DSCAML1: variants seen among roughly 807,000 people sequenced by gnomAD.
The protein encoded by DSCAML1 is cell adhesion molecule DSCAML1.
DSCAML1 carries 38 observed loss-of-function variants against 200.5 expected under a neutral mutation model. The observed-to-expected ratio is 0.19, with a 90% CI of 0.15 to 0.25. The LOEUF (loss-of-function observed/expected upper bound fraction) is 0.25. Among genes scored for constraint, DSCAML1 ranks in the 10% least tolerant of loss-of-function variants. DSCAML1 has a pLI of 1.00. For synonymous variants in DSCAML1, 1,215 were observed against 1,165.0 expected (o/e 1.04, Z -0.87); for missense variants, 2,223 against 2,858.8 (o/e 0.78, Z 5.07).
intron 3 of DSCAML1, among the ~76,000 whole-genome samples, chr11:117,592,366 C>T (rs566333425): frequency 2.6e-4 from 39 of 152,238 alleles, no homozygotes; most frequent in Non-Finnish European, 5.1e-4. Flanking sequence ...CTTCACTCAG[C>T]GTCTTAAGCA....
chr11:117,669,239 A>G (rs545123839), intron 3 of DSCAML1, among the ~76,000 whole-genome samples: 1 of 152,292 alleles, frequency 6.6e-6, no homozygotes, highest in East Asian at 1.9e-4. Context: ...CAAGTCCTCC[A>G]TTGAAGGGCA....
At chr11:117,778,571 A>G (rs1381525545) in intron 2 of DSCAML1, among the ~76,000 whole-genome samples, 1 of 152,232 alleles carries the variant, frequency 6.6e-6, no homozygotes, top group Non-Finnish European at 1.5e-5. Flanking sequence ...CAAGGAAAGC[A>G]CTTTGGCAAT....
intron 3 of DSCAML1, among the ~76,000 whole-genome samples, chr11:117,666,927 T>C (rs962339996): frequency 6.6e-6 from 1 of 152,160 alleles, no homozygotes; most frequent in African/African-American, 2.4e-5. Flanking sequence ...TCCGAATCCA[T>C]GTATTCACCA....
At chr11:117,680,404 C>T (rs2053291705) in intron 3 of DSCAML1, among the ~76,000 whole-genome samples, 1 of 152,218 alleles carries the variant, frequency 6.6e-6, no homozygotes, top group African/African-American at 2.4e-5. Flanking sequence ...ACAAGGTCCC[C>T]TCAGATCCTG....
At chr11:117,732,805 AT>A (rs1409282992) in intron 3 of DSCAML1, among the ~76,000 whole-genome samples, 1 of 151,738 alleles carries the variant, frequency 6.6e-6, no homozygotes. Context: ...TATTATCATT[AT>A]TATTATTATT....
At chr11:117,743,598 C>T (rs1002805975) in intron 3 of DSCAML1, among the ~76,000 whole-genome samples, 6 of 152,168 alleles carry the variant, frequency 3.9e-5, no homozygotes, top group African/African-American at 1.4e-4. Context: ...CTCTGGGCTC[C>T]AGGCCCAGTT....
intron 3 of DSCAML1, among the ~76,000 whole-genome samples, chr11:117,573,814 A>T (rs1644347874): frequency 6.6e-6 from 1 of 152,204 alleles, no homozygotes; most frequent in African/African-American, 2.4e-5. Flanking sequence ...CTGGTGAAGG[A>T]GAACCTTGCT....
chr11:117,554,211 G>A (rs2050517972), intron 3 of DSCAML1, among the ~76,000 whole-genome samples: 1 of 152,096 alleles, frequency 6.6e-6, no homozygotes, highest in African/African-American at 2.4e-5. Context: ...ACAAAGTTTT[G>A]GAAATAGTGG....
At chr11:117,632,825 A>G (rs1393147113) in intron 3 of DSCAML1, among the ~76,000 whole-genome samples, 1 of 152,240 alleles carries the variant, frequency 6.6e-6, no homozygotes, top group Non-Finnish European at 1.5e-5. Flanking sequence ...TGTGCCAGGC[A>G]TCATGAAAAG....
chr11:117,465,383 T>C (rs1413702275), intron 16 of DSCAML1, among the ~76,000 whole-genome samples: 1 of 152,182 alleles, frequency 6.6e-6, no homozygotes, highest in Non-Finnish European at 1.5e-5. Flanking sequence ...GATCCTCTCC[T>C]GTGCCCCTCG....
rs76836144 is a variant in DSCAML1 at position 117,603,118 on chromosome 11, C to CA, written c.512-70597dup. Among the ~76,000 whole-genome samples, 398 of 151,752 alleles carry CA rather than the reference C, an allele frequency of 2.6e-3. 1 individual carries two copies. Among genetic ancestry groups the CA allele is most frequent in the African/African-American group, 7.6e-3 (314 of 41,372 alleles). Reference sequence around the variant, plus strand: ...CCAACAAAACAAACAACAACAACAACAAAAAAACCCAAACCAATCAGAGAC... The same window carrying CA: ...CCAACAAAACAAACAACAACAACAACAAAAAAAACCCAAACCAATCAGAGAC... On this transcript the variant is annotated intron_variant, in intron 3 of 32. Transcript: ENST00000651296.
Position 117,428,550 on chromosome 11 carries a change from T to C in DSCAML1, c.5940A>G (p.Pro1980=), listed in dbSNP as rs572391937. Reference sequence around the variant, plus strand: ...CGGGGGCTGGGGGGGCTGTGCCGGCTGGGGGGGCTGGCATGGCCAGAGTCC... The same window carrying C: ...CGGGGGCTGGGGGGGCTGTGCCGGCCGGGGGGGCTGGCATGGCCAGAGTCC... The part of the protein sequence containing the change: ...PQRTLAMPAP[P]AGTAPPAPGP... The change falls in exon 33 of 33, where the codon CCA becomes CCG. Residue 1980 remains proline, a synonymous_variant. Coordinates refer to ENST00000651296, the MANE Select transcript of DSCAML1 (RefSeq NM_020693.4). 1.4e-4 allele frequency: 197 copies of C among 1,409,500 alleles called. 1 individual carries two copies. The African/African-American group carries it at 1.8e-3, about 13-fold the overall frequency. The allele number at this position is 1,409,500 out of a possible 1,614,324, so 87.3% of individuals were successfully genotyped here.
intron 3 of DSCAML1, among the ~76,000 whole-genome samples, chr11:117,688,415 A>T (rs1417399908): frequency 6.6e-6 from 1 of 152,222 alleles, no homozygotes; most frequent in Non-Finnish European, 1.5e-5. Context: ...CAGCAGGACA[A>T]GAGTTGGGAA....
chr11:117,524,524 G>T (rs1210213700), intron 5 of DSCAML1, among the ~76,000 whole-genome samples: 1 of 152,224 alleles, frequency 6.6e-6, no homozygotes, highest in Non-Finnish European at 1.5e-5. Context: ...GGAAGGCTGG[G>T]ACCACTTTCC....
chr11:117,807,394 G>A (rs897298443), intron 1 of DSCAML1, among the ~76,000 whole-genome samples: 1 of 152,170 alleles, frequency 6.6e-6, no homozygotes, highest in African/African-American at 2.4e-5. Context: ...GAATGATTTG[G>A]GGGGTGGGAG....
intron 3 of DSCAML1, among the ~76,000 whole-genome samples, chr11:117,700,758 G>C (rs951107370): frequency 3.0e-4 from 46 of 152,218 alleles, no homozygotes; most frequent in Non-Finnish European, 1.0e-4. Flanking sequence ...ACCAGTGCCA[G>C]GGGTAGAAGC....
chr11:117,804,456 G>C lies in DSCAML1; in HGVS notation c.-250+12934C>G, dbSNP rs2055692386. ...CTTTATCAAGCCCAAATCTGCCTTAGCTTTCTGGAGTTCAAAAGATGTGCC... is the reference window on the plus strand; with the variant it reads ...CTTTATCAAGCCCAAATCTGCCTTACCTTTCTGGAGTTCAAAAGATGTGCC... On this transcript the variant is annotated intron_variant, in intron 1 of 2. Transcript: ENST00000525836. 2.0e-5 allele frequency among the ~76,000 whole-genome samples: 3 copies of C among 152,188 alleles called. No individual in the cohort carries two copies. The South Asian group carries it at 6.2e-4, about 32-fold the overall frequency.
At chr11:117,471,830 CTGAGG>C (rs2048693086) in intron 15 of DSCAML1, 34 bp downstream of exon 15, 1 of 1,584,514 alleles carries the variant, frequency 6.3e-7, no homozygotes, top group African/African-American at 1.3e-5. Flanking sequence ...GTCCTGATCC[CTGAGG>C]CCATGGGCAG....
chr11:117,645,405 C>T (rs1042392585), intron 3 of DSCAML1, among the ~76,000 whole-genome samples: 2 of 152,094 alleles, frequency 1.3e-5, no homozygotes, highest in African/African-American at 4.8e-5. Flanking sequence ...GGGACTGGAA[C>T]CATGAGAGCC....
Sources: allele counts gnomAD v4.1 joint callset (sites outside exome capture counted in the v4.1 genomes callset), GRCh38; gene constraint gnomAD v4.1.1; transcripts MANE v1.5; gene names NCBI Gene and HGNC (gene_info 2026-07-23, HGNC 2026-07-21).